Variants in IL17RD observed in about 807,000 individuals in gnomAD.
The protein encoded by IL17RD is interleukin-17 receptor D.
Under a neutral mutation model 80.5 loss-of-function variants are expected in IL17RD, and 52 were observed. The observed-to-expected ratio is 0.65, with a 90% CI of 0.52 to 0.81. The LOEUF (loss-of-function observed/expected upper bound fraction) is 0.81, where lower values mean the gene tolerates loss of function less well. Ranked by LOEUF, IL17RD falls within the 40% of genes least tolerant of loss-of-function variation. IL17RD has a pLI of 0.00. For missense variants in IL17RD, 1,024 were observed against 955.1 expected (o/e 1.07, Z -0.95); for synonymous variants, 416 against 391.8 (o/e 1.06, Z -0.73).
At chr3:57,100,668 G>A (rs1008310597) in intron 11 of IL17RD, among the ~76,000 whole-genome samples, 4 of 152,126 alleles carry the variant, frequency 2.6e-5, no homozygotes, top group African/African-American at 7.2e-5. Flanking sequence ...GCTTCACAGA[G>A]CCCTTCGTTT....
intron 1 of IL17RD, among the ~76,000 whole-genome samples, chr3:57,160,503 G>A (rs1052210075): frequency 1.3e-5 from 2 of 152,004 alleles, no homozygotes; most frequent in African/African-American, 4.8e-5. Flanking sequence ...GAAGTGTCAA[G>A]TCCTCTTCAC....
chr3:57,106,291 A>C (rs1706964524), intron 5 of IL17RD, 137 bp from the exon 6 acceptor site: 4 of 647,772 alleles, frequency 6.2e-6, no homozygotes, highest in Non-Finnish European at 1.1e-5. Context: ...TTCAATGAGG[A>C]TTTTCACTAC....
chr3:57,104,493 A>T, intron 7 of IL17RD, 86 bp from the exon 8 acceptor site: 1 of 838,280 alleles, frequency 1.2e-6, no homozygotes, highest in Non-Finnish European at 2.0e-6. Context: ...GCTGAAGGAG[A>T]CTTGCCACCA....
chr3:57,107,570 G>A (rs1407578589), intron 5 of IL17RD, among the ~76,000 whole-genome samples: 2 of 152,200 alleles, frequency 1.3e-5, no homozygotes, highest in Non-Finnish European at 2.9e-5. Flanking sequence ...CCAAGGCCTT[G>A]AATGACAGAA....
At chr3:57,149,392 C>T (rs919003876) in intron 1 of IL17RD, among the ~76,000 whole-genome samples, 1 of 151,882 alleles carries the variant, frequency 6.6e-6, no homozygotes, top group East Asian at 1.9e-4. Context: ...TCCTTCTTCT[C>T]TGTACTTACC....
rs1181507520 is a variant in IL17RD, at chr3:57,090,597, G to A, written c.*5796C>T. The stretch of plus-strand genomic sequence containing the variant: ...ATTTTGTATTTTTAGTAGAGACAGG[G>A]TTTCACCATGTTGGTCAGGCTGGTC... On this transcript the variant is annotated 3_prime_UTR_variant, in exon 13 of 13. Transcript: ENST00000296318. The A allele has an allele frequency of 1.3e-5, 2 of 152,206 alleles. No individual in the cohort carries two copies. The highest frequency in any genetic ancestry group is 2.9e-5 in the Non-Finnish European group (2 of 68,066). The allele number at this position is 152,206 out of a possible 1,614,324, so 9.4% of individuals were successfully genotyped here.
intron 5 of IL17RD, among the ~76,000 whole-genome samples, chr3:57,107,644 G>A (rs949591200): frequency 6.6e-6 from 1 of 152,188 alleles, no homozygotes; most frequent in African/African-American, 2.4e-5. Flanking sequence ...ACCAAAGTTT[G>A]AAAGCAGCAA....
intron 9 of IL17RD, 60 bp downstream of exon 9, chr3:57,103,031 G>T: frequency 1.7e-6 from 2 of 1,171,764 alleles, no homozygotes; most frequent in Non-Finnish European, 2.5e-6. Context: ...AGTACAGAGA[G>T]TATCACATAC....
At chr3:57,154,442 T>A (rs187626303) in intron 1 of IL17RD, among the ~76,000 whole-genome samples, 148 of 152,030 alleles carry the variant, frequency 9.7e-4, no homozygotes, top group Non-Finnish European at 1.8e-3. Flanking sequence ...TCTACCCCCA[T>A]CCTTTTTTAA....
At chr3:57,154,491 C>T (rs1042695485) in intron 1 of IL17RD, among the ~76,000 whole-genome samples, 3 of 151,990 alleles carry the variant, frequency 2.0e-5, no homozygotes, top group Admixed American at 2.0e-4. Context: ...TTGATCAACT[C>T]GAAAACTCTG....
chr3:57,127,297 T>A (rs369731307), intron 1 of IL17RD, among the ~76,000 whole-genome samples: 16,648 of 75,922 alleles, frequency 0.22, 2,946 homozygotes, highest in Non-Finnish European at 0.28. Flanking sequence ...TATATATAAA[T>A]ATATATAAAA....
In IL17RD at chr3:57,095,738, A is replaced by C. The variant is rs1340178155; in HGVS notation, c.*655T>G. On this transcript the variant is annotated 3_prime_UTR_variant, in exon 13 of 13. Transcript: ENST00000296318. The stretch of plus-strand genomic sequence containing the variant: ...CAACCTATCTCAAGTGGAACGGTCA[A>C]GACGGTCAGCCTGGCCCCGTGAGCT... The C allele has an allele frequency of 2.6e-5, 4 of 152,714 alleles. No individual in the cohort carries two copies. Among genetic ancestry groups the C allele is most frequent in the African/African-American group, 9.6e-5 (4 of 41,466 alleles). 9.5% of individuals were successfully genotyped at this position (152,714 alleles called of 1,614,324 possible).
intron 1 of IL17RD, among the ~76,000 whole-genome samples, chr3:57,132,583 G>A (rs1178700715): frequency 6.6e-6 from 1 of 152,088 alleles, no homozygotes; most frequent in Non-Finnish European, 1.5e-5. Flanking sequence ...TCCTTTATAG[G>A]CAGTATTTGT....
intron 2 of IL17RD, among the ~76,000 whole-genome samples, chr3:57,119,351 C>CAAA (rs34523688): frequency 2.4e-5 from 3 of 122,532 alleles, no homozygotes; most frequent in Non-Finnish European, 3.5e-5. Flanking sequence ...GACTCCATCT[C>CAAA]AAAAAAAACA....
At position 57,109,967 on chromosome 3, in the gene IL17RD, A is replaced by G. The variant is rs6445856; in HGVS notation, c.429+226T>C. Among the ~76,000 whole-genome samples the G allele has an allele frequency of 0.62, 94,078 of 152,174 alleles. 30,395 individuals are homozygous for G. The highest frequency in any genetic ancestry group is 0.7 in the Non-Finnish European group (47,689 of 68,000). On this transcript the variant is annotated intron_variant, in intron 4 of 12. Coordinates refer to ENST00000296318, the MANE Select transcript of IL17RD (RefSeq NM_017563.5). ...GAGCACAAAGACACCTTCCAGGATC[A>G]CTGCTCCAGCAGTAACCCGAGAGGC...
intron 10 of IL17RD, among the ~76,000 whole-genome samples, 194 bp from the exon 11 acceptor site, chr3:57,101,557 C>T (rs963335682): frequency 2.0e-5 from 3 of 152,132 alleles, no homozygotes; most frequent in Non-Finnish European, 2.9e-5. Flanking sequence ...AACGAATGGT[C>T]AAAAATTGTT....
chr3:57,132,616 T>C (rs1369027350), intron 1 of IL17RD, among the ~76,000 whole-genome samples: 1 of 152,200 alleles, frequency 6.6e-6, no homozygotes, highest in Non-Finnish European at 1.5e-5. Context: ...ACTAAACACT[T>C]TGTCCAAGAT....
chr3:57,155,184 G>C (rs1377881827), intron 1 of IL17RD, among the ~76,000 whole-genome samples: 1 of 152,172 alleles, frequency 6.6e-6, no homozygotes, highest in Non-Finnish European at 1.5e-5. Flanking sequence ...AACGAGACCT[G>C]CACCTCTGTT....
upstream of IL17RD, chr3:57,165,404 A>C: frequency 1.2e-6 from 1 of 841,032 alleles, no homozygotes. Flanking sequence ...CGCACTGGGC[A>C]TGCGTTGCCA....
Sources: gnomAD v4.1 joint callset for allele counts (sites outside exome capture counted in the v4.1 genomes callset) on GRCh38, gnomAD v4.1.1 for gene constraint, MANE v1.5 for transcripts, NCBI Gene and HGNC (gene_info 2026-07-23, HGNC 2026-07-21) for gene names.